The following PKD1L1 variants were observed in gnomAD, a reference collection of about 807,000 sequenced individuals.
PKD1L1 encodes the protein polycystin 1 like 1, transient receptor potential channel interacting, also known as polycystin-1-like protein 1.
Under a neutral mutation model 323.4 loss-of-function variants are expected in PKD1L1, and 236 were observed. The observed-to-expected ratio is 0.73, with a 90% CI of 0.66 to 0.81. The LOEUF is 0.81. Among genes scored for constraint, PKD1L1 ranks in the 40% least tolerant of loss-of-function variants. PKD1L1 has a pLI of 0.00. For synonymous variants in PKD1L1, 1,344 were observed against 1,335.0 expected, an observed-to-expected ratio of 1.01 and a Z score of -0.15; for missense variants, 3,320 against 3,508.0, an observed-to-expected ratio of 0.95 and a Z score of 1.35.
Position 47,803,216 on chromosome 7 carries a change from T to A in PKD1L1, c.7956A>T (p.Val2652=). Residue 2652 remains valine, a synonymous_variant, in exon 53 of 57, where the codon GTA becomes GTT. Coordinates refer to ENST00000289672, the MANE Select transcript of PKD1L1 (RefSeq NM_138295.5). ...MMRHSLPSIF[V]AGLVGALMLA... ...TAAAGGGGAGAGTTCTTACCCCTGC[T>A]ACAAAGATGCTGGGGAGTGAGTGGC... 1 of 1,614,152 alleles carries A rather than the reference T, an allele frequency of 6.2e-7. No individual in the cohort carries two copies. The highest frequency in any genetic ancestry group is 8.5e-7 in the Non-Finnish European group (1 of 1,180,010).
At chr7:47,782,185 T>G (rs1786713586) in intron 56 of PKD1L1, among the ~76,000 whole-genome samples, 5 of 152,202 alleles carry the variant, frequency 3.3e-5, no homozygotes, top group Admixed American at 3.3e-4. Flanking sequence ...TTATAAATAA[T>G]GTCACCTGCA....
chr7:47,833,120 TC>T lies in PKD1L1; in HGVS notation c.6306del (p.Ser2104AlafsTer18). On this transcript the variant is annotated frameshift_variant, in exon 41 of 57. Transcript: ENST00000289672. LOFTEE classifies it high-confidence loss of function. Reference sequence around the variant, plus strand: ...GTGTGGGGAGGGCAGCAGTGGCTTTTCCCCATCAGAGAAGTCCTGCTGTGGT... The same window carrying T: ...GTGTGGGGAGGGCAGCAGTGGCTTTTCCCATCAGAGAAGTCCTGCTGTGGT... ...GADHSRTSLM[G>X]KSHCCPPHTQ... 3 of 1,612,034 alleles carry T rather than the reference TC, an allele frequency of 1.9e-6. No homozygotes were observed. Among genetic ancestry groups the T allele is most frequent in the Non-Finnish European group, 2.5e-6 (3 of 1,179,212 alleles).
the PKD1L1 span, among the ~76,000 whole-genome samples, chr7:47,956,240 G>C: frequency 2.0e-5 from 3 of 152,208 alleles, no homozygotes. Context: ...CGCACTTGGA[G>C]AATTTCTCTG....
intron 19 of PKD1L1, among the ~76,000 whole-genome samples, chr7:47,882,299 TCCCTCCC>T (rs1786576624): frequency 8.9e-6 from 1 of 112,864 alleles, no homozygotes; most frequent in African/African-American, 3.4e-5. Context: ...CCTCCCTCCC[TCCCTCCC>T]TTCCTATCTT....
At chr7:47,951,884 C>T (rs140220756), upstream of PKD1L1, among the ~76,000 whole-genome samples, 4 of 152,298 alleles carry the variant, frequency 2.6e-5, no homozygotes, top group African/African-American at 9.6e-5. Flanking sequence ...TCATCTTCTG[C>T]CTGCTTCAGT....
intron 24 of PKD1L1, among the ~76,000 whole-genome samples, chr7:47,869,466 T>C (rs778164470): frequency 6.6e-6 from 1 of 152,158 alleles, no homozygotes; most frequent in Non-Finnish European, 1.5e-5. Flanking sequence ...TGGTTATGTT[T>C]ATATCAGACA....
intron 24 of PKD1L1, among the ~76,000 whole-genome samples, chr7:47,867,199 G>A (rs1185906931): frequency 6.6e-6 from 1 of 152,208 alleles, no homozygotes; most frequent in East Asian, 1.9e-4. Context: ...ATTGCAAGAA[G>A]TAAATTAATT....
At chr7:47,843,288 ATTT>A (rs905298157) in intron 33 of PKD1L1, 119 bp from the exon 34 acceptor site, 8 of 757,680 alleles carry the variant, frequency 1.1e-5, no homozygotes, top group Non-Finnish European at 1.5e-5. Context: ...TCACTGATAC[ATTT>A]TTACACTTGC....
intron 46 of PKD1L1, among the ~76,000 whole-genome samples, chr7:47,817,833 G>A (rs781295317): frequency 2.0e-5 from 3 of 152,138 alleles, no homozygotes; most frequent in Non-Finnish European, 1.5e-5. Context: ...TCGCGTCACT[G>A]CACTCCAGCC....
Position 47,843,076 on chromosome 7 carries a change from A to T in PKD1L1, c.5331T>A (p.His1777Gln). Reference protein sequence around the residue: ...LVAKSRQVDHHEKKKAGYIFL... With the variant: ...LVAKSRQVDHQEKKKAGYIFL... ...AGATGTAACCAGCTTTCTTTTTTTC[A>T]TGATGATCTACTTGTCTACTTTTAG... is the stretch of plus-strand genomic sequence containing the variant. Residue 1777 changes from histidine to glutamine, a missense_variant, in exon 34 of 57, where the codon CAT (histidine) becomes CAA (glutamine). Coordinates refer to ENST00000289672, the MANE Select transcript of PKD1L1 (RefSeq NM_138295.5). The T allele has an allele frequency of 6.2e-7, 1 of 1,613,870 alleles. No individual in the cohort carries two copies. Among genetic ancestry groups the T allele is most frequent in the Non-Finnish European group, 8.5e-7 (1 of 1,179,842 alleles).
At position 47,839,656 on chromosome 7, in the gene PKD1L1, AG is replaced by A; in HGVS notation, c.5558del (p.Pro1853LeufsTer7). 1 of 1,565,768 alleles carries A rather than the reference AG, an allele frequency of 6.4e-7. No homozygotes were observed. On this transcript the variant is annotated frameshift_variant, in exon 36 of 57. Transcript: ENST00000289672. LOFTEE classifies it high-confidence loss of function. This position sits in a 1 kb window ranked among gnomAD's most constrained non-coding sequence, Gnocchi z 4.3. Reference sequence around the variant, plus strand: ...TCTTCCTCAGCAGGCCCAGTTGGGCAGGAGCGCTGGAGGCACACACAGCAGC... The same window carrying A: ...TCTTCCTCAGCAGGCCCAGTTGGGCAGAGCGCTGGAGGCACACACAGCAGC... The part of the protein sequence containing the change: ...NSRHTFILSA[P>X]AQLGLLRKIR...
At chr7:47,891,302 T>C (rs773317432) in intron 15 of PKD1L1, among the ~76,000 whole-genome samples, 2 of 152,174 alleles carry the variant, frequency 1.3e-5, no homozygotes, top group Non-Finnish European at 2.9e-5. Context: ...CTTTCTGCAA[T>C]ATAACAATTG....
intron 9 of PKD1L1, among the ~76,000 whole-genome samples, chr7:47,906,209 T>C (rs778380349): frequency 6.6e-6 from 1 of 152,260 alleles, no homozygotes; most frequent in Non-Finnish European, 1.5e-5. Context: ...TGGTATTAAA[T>C]ATGCTAATTC....
chr7:47,836,744 A>G (rs553402827), intron 37 of PKD1L1, among the ~76,000 whole-genome samples, 177 bp downstream of exon 37: 45 of 152,068 alleles, frequency 3.0e-4, no homozygotes, highest in African/African-American at 8.4e-4. Flanking sequence ...AGGGCCACCC[A>G]GTGCCACACC....
the PKD1L1 span, among the ~76,000 whole-genome samples, chr7:47,959,216 A>G: frequency 2.0e-5 from 3 of 151,652 alleles, no homozygotes; most frequent in East Asian, 1.9e-4. Flanking sequence ...CCAAAGTGCC[A>G]AGATTGCAGC....
intron 1 of PKD1L1, among the ~76,000 whole-genome samples, chr7:47,948,077 T>C (rs1436128996): frequency 6.6e-6 from 1 of 152,176 alleles, no homozygotes; most frequent in Non-Finnish European, 1.5e-5. Flanking sequence ...TAGCTTAACT[T>C]TGTCTACTAC....
intron 7 of PKD1L1, 28 bp from the exon 8 acceptor site, chr7:47,915,627 G>A: frequency 7.3e-7 from 1 of 1,378,734 alleles, no homozygotes; most frequent in Non-Finnish European, 1.0e-6. Flanking sequence ...AGAAAATAAA[G>A]ATAAAAGTGG....
upstream of PKD1L1, among the ~76,000 whole-genome samples, chr7:47,948,901 G>C (rs937044018): frequency 6.6e-6 from 1 of 152,210 alleles, no homozygotes; most frequent in Non-Finnish European, 1.5e-5. Flanking sequence ...AGGTTGCAGT[G>C]AGACGAGATT....
At chr7:47,926,689 G>T (rs1302428716) in intron 7 of PKD1L1, among the ~76,000 whole-genome samples, 1 of 152,164 alleles carries the variant, frequency 6.6e-6, no homozygotes, top group African/African-American at 2.4e-5. Context: ...AAAATGGCAA[G>T]AATAACACTA....
Sources: gnomAD v4.1 joint callset for allele counts (sites outside exome capture counted in the v4.1 genomes callset) on GRCh38, gnomAD v4.1.1 for gene constraint, Gnocchi (gnomAD v3.1) non-coding constraint, MANE v1.5 for transcripts, NCBI Gene and HGNC (gene_info 2026-07-23, HGNC 2026-07-21) for gene names.